Variants in CPNE4 observed in about 807,000 individuals in gnomAD.
CPNE4 encodes copine 4.
CPNE4 carries 25 observed loss-of-function variants against 67.9 expected under a neutral mutation model. The ratio of observed to expected loss-of-function variants is 0.37; its 90% CI spans 0.27 to 0.51. CPNE4 has a LOEUF of 0.51. Ranked by LOEUF, CPNE4 falls within the 20% of genes least tolerant of loss-of-function variation. The pLI is 0.93. For missense variants in CPNE4, 464 were observed against 690.8 expected (o/e 0.67, Z 3.68); for synonymous variants, 242 against 244.9 (o/e 0.99, Z 0.11).
chr3:131,925,663 T>C (rs1337363767), intron 1 of CPNE4: 1 of 152,230 alleles, frequency 6.6e-6, no homozygotes, highest in African/African-American at 2.4e-5. Flanking sequence ...AATGTATTCT[T>C]ATGATGTGGC....
intron 2 of CPNE4, among the ~76,000 whole-genome samples, chr3:131,758,784 C>T (rs1389683773): frequency 1.3e-5 from 2 of 152,024 alleles, no homozygotes; most frequent in African/African-American, 4.8e-5. Flanking sequence ...CTGGTCTTTC[C>T]CATGCTATTC....
chr3:131,576,425 A>T (rs1206712535), intron 9 of CPNE4, among the ~76,000 whole-genome samples: 1 of 152,176 alleles, frequency 6.6e-6, no homozygotes, highest in East Asian at 1.9e-4. Context: ...AATTGTGTGT[A>T]CACAGTCACC....
At chr3:131,756,867 C>T (rs1380009703) in intron 2 of CPNE4, among the ~76,000 whole-genome samples, 1 of 152,200 alleles carries the variant, frequency 6.6e-6, no homozygotes, top group Non-Finnish European at 1.5e-5. Context: ...ATTTCCCATG[C>T]TGTTCTCGTG....
In CPNE4 at chr3:131,534,964, T is replaced by A. The variant is rs568398708; in HGVS notation, c.*231A>T. 1 of 352,352 alleles carries A rather than the reference T, an allele frequency of 2.8e-6. No individual in the cohort carries two copies. Among genetic ancestry groups the A allele is most frequent in the East Asian group, 4.4e-5 (1 of 22,818 alleles). 21.8% of individuals were successfully genotyped at this position (352,352 alleles called of 1,614,324 possible). A position where few individuals can be genotyped will look rare whatever the true frequency, so the allele number is the denominator to read the frequency against. On this transcript the variant is annotated 3_prime_UTR_variant, in exon 16 of 16. Coordinates refer to ENST00000429747, the MANE Select transcript of CPNE4 (RefSeq NM_130808.3). ...ATGCTGTAATGTAAATAGTAAGTTATTGTTATCTGTGTTTCTTTGTAAAAA... is the reference window on the plus strand; with the variant it reads ...ATGCTGTAATGTAAATAGTAAGTTAATGTTATCTGTGTTTCTTTGTAAAAA...
At chr3:131,724,115 T>A (rs2107747810) in intron 2 of CPNE4, among the ~76,000 whole-genome samples, 1 of 152,282 alleles carries the variant, frequency 6.6e-6, no homozygotes, top group Admixed American at 6.5e-5. Context: ...ATTAGTGATG[T>A]CTGGTGGGCA....
In CPNE4 at chr3:131,887,069, C is replaced by T. The variant is rs1162160935; in HGVS notation, c.180+18195G>A. 2.0e-5 allele frequency among the ~76,000 whole-genome samples: 3 copies of T among 152,092 alleles called. No homozygotes were observed. In the South Asian group the frequency reaches 6.2e-4, roughly 32 times the overall value. ...GGGGTGGAATGATATTGTTTGGCTC[C>T]GTGTCCCCACCCAAATCTCATCTTG... On this transcript the variant is annotated intron_variant, in intron 2 of 15. Coordinates refer to ENST00000429747, the MANE Select transcript of CPNE4 (RefSeq NM_130808.3).
intron 10 of CPNE4, among the ~76,000 whole-genome samples, chr3:131,565,172 A>G (rs901501924): frequency 2.0e-5 from 3 of 152,020 alleles, no homozygotes; most frequent in Admixed American, 1.3e-4. Flanking sequence ...TCTAATTTCC[A>G]ACATCACCAC....
chr3:131,823,030 A>G (rs4522812), intron 2 of CPNE4, among the ~76,000 whole-genome samples: 4,799 of 152,060 alleles, frequency 0.032, 179 homozygotes, highest in South Asian at 0.094. Context: ...TAATAGAGAC[A>G]GGGTTTCACC....
At chr3:131,940,818 T>C (rs1166648363) in intron 1 of CPNE4, among the ~76,000 whole-genome samples, 1 of 151,984 alleles carries the variant, frequency 6.6e-6, no homozygotes, top group Non-Finnish European at 1.5e-5. Flanking sequence ...GATGTCGGTG[T>C]CTTTCTTCTA....
At chr3:131,634,040 G>T (rs1228405790) in intron 7 of CPNE4, among the ~76,000 whole-genome samples, 1 of 152,102 alleles carries the variant, frequency 6.6e-6, no homozygotes, top group Non-Finnish European at 1.5e-5. Context: ...CTAAAAAAAT[G>T]CACATGCTTA....
chr3:131,884,269 G>A (rs2087792164), intron 2 of CPNE4, among the ~76,000 whole-genome samples: 1 of 152,296 alleles, frequency 6.6e-6, no homozygotes, highest in Middle Eastern at 3.4e-3. Context: ...GTAAATCACG[G>A]TTCATCTACA....
intron 1 of CPNE4, among the ~76,000 whole-genome samples, chr3:131,961,302 T>C (rs1008936686): frequency 1.3e-5 from 2 of 152,300 alleles, no homozygotes; most frequent in East Asian, 1.9e-4. Flanking sequence ...TCCTAAGGGA[T>C]TGAGTTTCAG....
chr3:131,801,442 G>GTATATATATA (rs1458010843), intron 2 of CPNE4, among the ~76,000 whole-genome samples: 7 of 90,742 alleles, frequency 7.7e-5, no homozygotes, highest in African/African-American at 3.3e-4. Context: ...GTGTGTGTGT[G>GTATATATATA]TGTGTGTGTG....
At chr3:131,830,897 A>G (rs2085343563) in intron 2 of CPNE4, among the ~76,000 whole-genome samples, 1 of 152,110 alleles carries the variant, frequency 6.6e-6, no homozygotes, top group East Asian at 1.9e-4. Flanking sequence ...ATAAAAGGTA[A>G]AAAGGTACAA....
At chr3:131,570,472 T>G (rs1401652895) in intron 10 of CPNE4, among the ~76,000 whole-genome samples, 1 of 152,090 alleles carries the variant, frequency 6.6e-6, no homozygotes, top group Admixed American at 6.6e-5. Context: ...ATCTCCCCCA[T>G]TTTTTCTTTT....
chr3:131,937,265 T>C (rs1331667929), intron 1 of CPNE4, among the ~76,000 whole-genome samples: 1 of 152,188 alleles, frequency 6.6e-6, no homozygotes, highest in African/African-American at 2.4e-5. Flanking sequence ...TCACACGCTC[T>C]AAAGAATTGC....
chr3:131,728,771 G>A lies in CPNE4; in HGVS notation c.181-5146C>T, dbSNP rs139972243. 4.0e-3 allele frequency among the ~76,000 whole-genome samples: 602 copies of A among 151,906 alleles called. 2 individuals carry two copies. The highest frequency in any genetic ancestry group is 0.014 in the African/African-American group (573 of 41,416). ...TTACAAAAAAAAAAATTAGCCGGTCGTGGTGGCAGGCGCCTGTAGTCCCAG... is the reference window on the plus strand; with the variant it reads ...TTACAAAAAAAAAAATTAGCCGGTCATGGTGGCAGGCGCCTGTAGTCCCAG... On this transcript the variant is annotated intron_variant, in intron 2 of 15. Transcript: ENST00000429747.
intron 12 of CPNE4, among the ~76,000 whole-genome samples, chr3:131,553,310 A>C (rs1936285963): frequency 6.6e-6 from 1 of 152,026 alleles, no homozygotes; most frequent in Non-Finnish European, 1.5e-5. Context: ...TCTTAGTGGG[A>C]GGTGATCGGT....
chr3:131,735,503 T>C (rs1004682009), intron 2 of CPNE4, among the ~76,000 whole-genome samples: 3 of 152,216 alleles, frequency 2.0e-5, no homozygotes, highest in Non-Finnish European at 4.4e-5. Flanking sequence ...TGCAGAACAA[T>C]GTTAAAGAGT....
Sources: allele counts gnomAD v4.1 joint callset (sites outside exome capture counted in the v4.1 genomes callset), GRCh38; gene constraint gnomAD v4.1.1; transcripts MANE v1.5; gene names NCBI Gene and HGNC (gene_info 2026-07-23, HGNC 2026-07-21).